The following PTPRD variants were observed in gnomAD, a reference collection of about 807,000 sequenced individuals.
The protein encoded by PTPRD is receptor-type tyrosine-protein phosphatase delta.
PTPRD carries 34 observed loss-of-function variants against 214.5 expected under a neutral mutation model. The observed-to-expected ratio is 0.16, with a 90% confidence interval of 0.12 to 0.21. The LOEUF (loss-of-function observed/expected upper bound fraction) is 0.21. PTPRD is among the 10% of genes least tolerant of loss of function. PTPRD has a pLI of 1.00. For synonymous variants in PTPRD, 1,128 were observed against 845.7 expected, an observed-to-expected ratio of 1.33 and a Z score of -5.79; for missense variants, 2,545 against 2,398.7, an observed-to-expected ratio of 1.06 and a Z score of -1.27.
chr9:9,531,562 C>G (rs1464756275), intron 8 of PTPRD, among the ~76,000 whole-genome samples: 1 of 152,110 alleles, frequency 6.6e-6, no homozygotes. Context: ...GTAATGATTA[C>G]ATGGTGCATC....
chr9:9,998,804 G>C (rs1171479709), intron 4 of PTPRD, among the ~76,000 whole-genome samples: 4 of 152,144 alleles, frequency 2.6e-5, no homozygotes, highest in South Asian at 4.1e-4. Context: ...GGGAAAGGTA[G>C]CTAACATTTT....
chr9:10,449,950 C>T (rs1019397109), intron 2 of PTPRD, among the ~76,000 whole-genome samples: 1 of 151,628 alleles, frequency 6.6e-6, no homozygotes, highest in East Asian at 1.9e-4. Context: ...CCCCCAACCC[C>T]GTGCTCTCTG....
chr9:9,274,282 T>C (rs1337911617), intron 9 of PTPRD, among the ~76,000 whole-genome samples: 1 of 151,326 alleles, frequency 6.6e-6, no homozygotes, highest in African/African-American at 2.4e-5. Flanking sequence ...ACTTTCTCCG[T>C]TCTGTTACTT....
At chr9:9,780,251 T>C (rs1445598385) in intron 5 of PTPRD, among the ~76,000 whole-genome samples, 1 of 152,046 alleles carries the variant, frequency 6.6e-6, no homozygotes, top group Non-Finnish European at 1.5e-5. Context: ...CACTGCAGAT[T>C]CCAAGAGGGG....
At chr9:9,155,181 T>G (rs1592565197) in intron 10 of PTPRD, among the ~76,000 whole-genome samples, 1 of 152,190 alleles carries the variant, frequency 6.6e-6, no homozygotes, top group East Asian at 1.9e-4. Flanking sequence ...TCTCTTTTGA[T>G]TCTAGAAGTG....
In PTPRD at chr9:10,341,827, ATTAATTCTTTTTTCCCCTCTCCTTTTAT is replaced by A. The variant is rs1265841595; in HGVS notation, c.-599-838_-599-811del. ...AGCTGATATTGAGTTCCTAAGTAAT[ATTAATTCTTTTTTCCCCTCTCCTTTTAT>A]GTAGTTCCATATGTATTGTTAATAT... On this transcript the variant is annotated intron_variant, in intron 2 of 45. Coordinates refer to ENST00000381196, the MANE Select transcript of PTPRD (RefSeq NM_002839.4). Among the ~76,000 whole-genome samples, 442 of 152,162 alleles carry A rather than the reference ATTAATTCTTTTTTCCCCTCTCCTTTTAT, an allele frequency of 2.9e-3. 1 individual carries two copies. The highest frequency in any genetic ancestry group is 0.01 in the African/African-American group (419 of 41,562).
At chr9:9,934,915 G>A (rs1456558577) in intron 5 of PTPRD, among the ~76,000 whole-genome samples, 1 of 152,104 alleles carries the variant, frequency 6.6e-6, no homozygotes, top group Non-Finnish European at 1.5e-5. Context: ...TGCAAGGCTG[G>A]TTCAATATAT....
rs1555457922 is a variant in PTPRD, at chr9:8,870,714, A to ACACACACACACACACACACG, written c.-103-136769_-103-136768insCGTGTGTGTGTGTGTGTGTG. ...CACACACACACACACACACACACAC[A>ACACACACACACACACACACG]CACACACACACACACGGGAGTTCAG... On this transcript the variant is annotated intron_variant, in intron 11 of 45. Coordinates refer to ENST00000381196, the MANE Select transcript of PTPRD (RefSeq NM_002839.4). Among the ~76,000 whole-genome samples the ACACACACACACACACACACG allele has an allele frequency of 7.8e-3, 1,170 of 150,042 alleles. 15 individuals carry two copies. The highest frequency in any genetic ancestry group is 0.029 in the Admixed American group (435 of 14,984).
Position 9,718,964 on chromosome 9 carries a change from C to A in PTPRD, c.-287+15569G>T, listed in dbSNP as rs952408031. On this transcript the variant is annotated intron_variant, in intron 7 of 45. Transcript: ENST00000381196. The stretch of plus-strand genomic sequence containing the variant: ...GGAAGCTGTGGGTCCCTGGTGAAAC[C>A]CACCTTCAAGCCAGGGATGACCTGA... Among the ~76,000 whole-genome samples the A allele has an allele frequency of 4.6e-5, 7 of 152,160 alleles. No homozygotes were observed. In the East Asian group the frequency reaches 1.4e-3, roughly 29 times the overall value.
At chr9:9,224,772 T>C (rs1380342801) in intron 9 of PTPRD, among the ~76,000 whole-genome samples, 3 of 152,006 alleles carry the variant, frequency 2.0e-5, no homozygotes, top group Non-Finnish European at 4.4e-5. Flanking sequence ...ATCATTGTTT[T>C]ATAACATAAT....
intron 2 of PTPRD, among the ~76,000 whole-genome samples, chr9:10,520,969 C>T (rs1291893119): frequency 2.0e-5 from 3 of 151,342 alleles, no homozygotes; most frequent in Non-Finnish European, 4.4e-5. Context: ...TTGTTTTATG[C>T]CCAGTAACAC....
chr9:9,804,418 G>C (rs2099060657), intron 5 of PTPRD, among the ~76,000 whole-genome samples: 1 of 152,078 alleles, frequency 6.6e-6, no homozygotes, highest in Non-Finnish European at 1.5e-5. Context: ...TAAATTGAAT[G>C]TCTACTAAAA....
chr9:9,155,985 G>C (rs1160811830), intron 10 of PTPRD, among the ~76,000 whole-genome samples: 1 of 152,020 alleles, frequency 6.6e-6, no homozygotes, highest in Non-Finnish European at 1.5e-5. Context: ...CTTGTAACTT[G>C]GTCATTCTTA....
chr9:9,655,648 C>A (rs1738051268), intron 7 of PTPRD, among the ~76,000 whole-genome samples: 3 of 151,558 alleles, frequency 2.0e-5, no homozygotes, highest in African/African-American at 7.3e-5. Context: ...ACCGGAAAAA[C>A]ACCTTAAAAG....
intron 3 of PTPRD, among the ~76,000 whole-genome samples, chr9:10,262,467 T>G (rs1039109913): frequency 2.6e-5 from 4 of 152,184 alleles, no homozygotes; most frequent in African/African-American, 9.6e-5. Context: ...TAAGAAATAG[T>G]GAAGCCATGA....
chr9:9,089,813 A>G (rs1405352622), intron 10 of PTPRD, among the ~76,000 whole-genome samples: 1 of 152,188 alleles, frequency 6.6e-6, no homozygotes, highest in Non-Finnish European at 1.5e-5. Flanking sequence ...GGAAACACCT[A>G]TAATATGTGG....
intron 44 of PTPRD, among the ~76,000 whole-genome samples, chr9:8,330,607 T>C (rs1839362448): frequency 6.6e-6 from 1 of 152,184 alleles, no homozygotes; most frequent in Non-Finnish European, 1.5e-5. Context: ...GTTTGCTTCT[T>C]ATAACATGCC....
intron 2 of PTPRD, among the ~76,000 whole-genome samples, chr9:10,557,250 CTCTG>C (rs1420537002): frequency 6.6e-6 from 1 of 152,020 alleles, no homozygotes; most frequent in Admixed American, 6.6e-5. Context: ...TTCTCTTTTT[CTCTG>C]TCTCTCATTT....
At chr9:9,368,519 C>A (rs1003538978) in intron 9 of PTPRD, among the ~76,000 whole-genome samples, 1 of 151,644 alleles carries the variant, frequency 6.6e-6, no homozygotes. Context: ...GGACTGATGT[C>A]CCTAGCAAAG....
Sources: gnomAD v4.1 joint callset for allele counts (sites outside exome capture counted in the v4.1 genomes callset) on GRCh38, gnomAD v4.1.1 for gene constraint, MANE v1.5 for transcripts, NCBI Gene and HGNC (gene_info 2026-07-23, HGNC 2026-07-21) for gene names.